Variants in SNX33 observed in about 807,000 individuals in gnomAD.
SNX33 encodes sorting nexin 33.
Under a neutral mutation model 38.8 loss-of-function variants are expected in SNX33, and 19 were observed. The ratio of observed to expected loss-of-function variants is 0.49; its 90% CI spans 0.34 to 0.72. SNX33 has a LOEUF of 0.72. Among genes scored for constraint, SNX33 ranks in the 30% least tolerant of loss-of-function variants. SNX33 has a pLI of 0.01. For synonymous variants in SNX33, 246 were observed against 289.7 expected (o/e 0.85, Z 1.53); for missense variants, 641 against 776.4 (o/e 0.83, Z 2.07).
chr15:75,656,492 C>T (rs1469726982), intron 1 of SNX33, among the ~76,000 whole-genome samples: 2 of 152,166 alleles, frequency 1.3e-5, no homozygotes, highest in African/African-American at 4.8e-5. Context: ...TGGGATACCT[C>T]TTTAGATGCT....
At chr15:75,654,341 G>A (rs1444658996) in intron 1 of SNX33, among the ~76,000 whole-genome samples, 1 of 152,120 alleles carries the variant, frequency 6.6e-6, no homozygotes, top group African/African-American at 2.4e-5. Flanking sequence ...TGTCCCACTG[G>A]GCAGTGGGGA....
intron 1 of SNX33, among the ~76,000 whole-genome samples, chr15:75,655,875 C>T (rs912407271): frequency 5.9e-5 from 9 of 152,188 alleles, no homozygotes; most frequent in Non-Finnish European, 7.3e-5. Flanking sequence ...CTGCAGCCCT[C>T]GGCGACTGAG....
chr15:75,651,631 C>T (rs1431723803), intron 1 of SNX33, among the ~76,000 whole-genome samples: 1 of 152,384 alleles, frequency 6.6e-6, no homozygotes, highest in East Asian at 1.9e-4. Flanking sequence ...CTCTTCTTGC[C>T]TGAGGAGAGA....
rs1469769336 is a variant in SNX33, at chr15:75,657,513, G to A, written c.*298G>A. On this transcript the variant is annotated 3_prime_UTR_variant, in exon 2 of 2. Transcript: ENST00000308527. The surrounding 1 kb of genome is among the most constrained non-coding windows in gnomAD (Gnocchi z 5.5). ...CAGGCCAGGGTCTCAGCCTCCCCTAGAGCCTATTTTGCTTGCTCACCTGGC... is the reference window on the plus strand; with the variant it reads ...CAGGCCAGGGTCTCAGCCTCCCCTAAAGCCTATTTTGCTTGCTCACCTGGC... 4.1e-6 allele frequency: 2 copies of A among 485,520 alleles called. No individual in the cohort carries two copies. Among genetic ancestry groups the A allele is most frequent in the Non-Finnish European group, 7.5e-6 (2 of 266,550 alleles). The allele number at this position is 485,520 out of a possible 1,614,324, so 30.1% of individuals were successfully genotyped here. A position where few individuals can be genotyped will look rare whatever the true frequency, so the allele number is the denominator to read the frequency against.
At chr15:75,656,654 A>AGAGGTT (rs973976656) in intron 1 of SNX33, among the ~76,000 whole-genome samples, 2 of 152,168 alleles carry the variant, frequency 1.3e-5, no homozygotes, top group Non-Finnish European at 2.9e-5. Flanking sequence ...AGAGACACAG[A>AGAGGTT]GAGGTTGAGG....
intron 1 of SNX33, among the ~76,000 whole-genome samples, chr15:75,651,838 C>T (rs556087968): frequency 6.6e-6 from 1 of 152,332 alleles, no homozygotes; most frequent in East Asian, 1.9e-4. Flanking sequence ...GGGGGCAGAC[C>T]TCTGCACTGA....
At chr15:75,651,437 C>G (rs1022083628) in intron 1 of SNX33, among the ~76,000 whole-genome samples, 6 of 152,188 alleles carry the variant, frequency 3.9e-5, no homozygotes, top group Non-Finnish European at 7.3e-5. Flanking sequence ...TCTCATGACC[C>G]CCTCTGTGGG....
intron 1 of SNX33, among the ~76,000 whole-genome samples, chr15:75,656,207 C>G (rs1022435254): frequency 6.6e-6 from 1 of 152,052 alleles, no homozygotes; most frequent in African/African-American, 2.4e-5. Context: ...GGGTGGGGAG[C>G]CAGGGCACAG....
Position 75,657,381 on chromosome 15 carries a change from G to A in SNX33, c.*166G>A. ...AAGGAGCTTTCAAGGAGTCATGGGT[G>A]CCCCTGGGAAATTCCCCACTCCTTA... On this transcript the variant is annotated 3_prime_UTR_variant, in exon 2 of 2. Coordinates refer to ENST00000308527, the MANE Select transcript of SNX33 (RefSeq NM_153271.2). This position sits in a 1 kb window ranked among gnomAD's most constrained non-coding sequence, Gnocchi z 5.5. 5.9e-6 allele frequency: 7 copies of A among 1,178,526 alleles called. No homozygotes were observed. The highest frequency in any genetic ancestry group is 8.3e-6 in the Non-Finnish European group (7 of 845,752). 73.0% of individuals were successfully genotyped at this position (1,178,526 alleles called of 1,614,324 possible).
At chr15:75,655,151 C>T (rs1051916185) in intron 1 of SNX33, among the ~76,000 whole-genome samples, 1 of 152,244 alleles carries the variant, frequency 6.6e-6, no homozygotes, top group African/African-American at 2.4e-5. Flanking sequence ...CTGGCATGGG[C>T]TCCCTGCAGC....
In SNX33 at chr15:75,649,522, C is replaced by T. The variant is rs28363828; in HGVS notation, c.420C>T (p.His140=). The change falls in exon 1 of 2, where the codon CAC becomes CAT. Residue 140 remains histidine, a synonymous_variant. Coordinates refer to ENST00000308527, the MANE Select transcript of SNX33 (RefSeq NM_153271.2). This position sits in a 1 kb window ranked among gnomAD's most constrained non-coding sequence, Gnocchi z 6.6. The stretch of plus-strand genomic sequence containing the variant: ...CTGGTGGGCTGGGCACCAACGGGCA[C>T]CCTCCCCTCAACCTCTCCTACCCTG... ...PRAGGLGTNG[H]PPLNLSYPGA... is the part of the protein sequence containing the mutation. 8.1e-3 allele frequency: 12,814 copies of T among 1,587,790 alleles called. 785 individuals are homozygous for T. In the African/African-American group the frequency reaches 0.14, roughly 17 times the overall value.
intron 1 of SNX33, 45 bp from the exon 2 acceptor site, chr15:75,656,917 G>A: frequency 2.5e-6 from 4 of 1,590,306 alleles, no homozygotes; most frequent in Non-Finnish European, 3.4e-6. Flanking sequence ...GGAGCACATG[G>A]AGATCAGAGC....
intron 1 of SNX33, among the ~76,000 whole-genome samples, chr15:75,652,355 G>A (rs961839180): frequency 6.6e-6 from 1 of 152,226 alleles, no homozygotes; most frequent in African/African-American, 2.4e-5. Context: ...CTGAGCACAA[G>A]TGGGAAGGCT....
chr15:75,661,314 T>G lies in SNX33; in HGVS notation c.*4099T>G. 8.3e-6 allele frequency: 1 copy of G among 119,784 alleles called. No individual in the cohort carries two copies. The highest frequency in any genetic ancestry group is 1.7e-5 in the Non-Finnish European group (1 of 60,148). The allele number at this position is 119,784 out of a possible 1,614,324, so 7.4% of individuals were successfully genotyped here. ...CAGCCCGCCCTGCCCGCCTGCCCGC[T>G]GACTCAGGCCTCCAGGAGCCAAGCC... On this transcript the variant is annotated 3_prime_UTR_variant, in exon 2 of 2. Transcript: ENST00000308527. The surrounding 1 kb of genome is among the most constrained non-coding windows in gnomAD (Gnocchi z 4.5).
rs977382882 is a variant in SNX33, at chr15:75,662,031, T to A, written c.*4816T>A. 3.3e-5 allele frequency: 5 copies of A among 152,192 alleles called. No individual in the cohort carries two copies. The highest frequency in any genetic ancestry group is 7.2e-5 in the African/African-American group (3 of 41,446). 9.4% of individuals were successfully genotyped at this position (152,192 alleles called of 1,614,324 possible). A position where few individuals can be genotyped will look rare whatever the true frequency, so the allele number is the denominator to read the frequency against. On this transcript the variant is annotated 3_prime_UTR_variant, in exon 2 of 2. Coordinates refer to ENST00000308527, the MANE Select transcript of SNX33 (RefSeq NM_153271.2). Reference sequence around the variant, plus strand: ...TGAGGAACATAACTTAATTTTTTTTTATATCTGACCTGAATTTCTGTTTTC... The same window carrying A: ...TGAGGAACATAACTTAATTTTTTTTAATATCTGACCTGAATTTCTGTTTTC...
Position 75,657,024 on chromosome 15 carries a change from G to A in SNX33, c.1534G>A (p.Glu512Lys), listed in dbSNP as rs768048157. ...TGACGAGGGCCGCATGGTGCAGGAC[G>A]AGGCAGACGGCATTCGCAGGCGCTG... ...MSDEGRMVQD[E>K]ADGIRRRCRV... Residue 512 changes from glutamate to lysine, a missense_variant, in exon 2 of 2, where the codon GAG becomes AAG. By Grantham distance (56) the Glu-to-Lys change is moderately conservative (BLOSUM62 1). This residue lies in a region of SNX33 where 398 missense variants were observed against 542.5 expected (regional missense o/e 0.73). Coordinates refer to ENST00000308527, the MANE Select transcript of SNX33 (RefSeq NM_153271.2). This position sits in a 1 kb window ranked among gnomAD's most constrained non-coding sequence, Gnocchi z 5.5. 3.1e-6 allele frequency: 5 copies of A among 1,614,138 alleles called. No individual in the cohort carries two copies. Among genetic ancestry groups the A allele is most frequent in the Admixed American group, 1.7e-5 (1 of 60,016 alleles).
At chr15:75,652,236 A>G (rs1444807960) in intron 1 of SNX33, among the ~76,000 whole-genome samples, 2 of 152,142 alleles carry the variant, frequency 1.3e-5, no homozygotes, top group African/African-American at 2.4e-5. Context: ...TGGGGAGGGT[A>G]TGGCTCAGAA....
chr15:75,656,486 A>C (rs1240947034), intron 1 of SNX33, among the ~76,000 whole-genome samples: 1 of 152,134 alleles, frequency 6.6e-6, no homozygotes, highest in African/African-American at 2.4e-5. Context: ...CCAGCTTGGG[A>C]TACCTCTTTA....
Position 75,650,071 on chromosome 15 carries a change from C to G in SNX33, c.969C>G (p.Leu323=). 6.2e-7 allele frequency: 1 copy of G among 1,614,068 alleles called. No homozygotes were observed. The highest frequency in any genetic ancestry group is 1.3e-5 in the African/African-American group (1 of 75,056). ...WMDHMTSHPV[L]SQYEGFQHFL... ...ACCACATGACCAGCCACCCTGTGCTCTCCCAGTACGAAGGCTTCCAGCATT... is the reference window on the plus strand; with the variant it reads ...ACCACATGACCAGCCACCCTGTGCTGTCCCAGTACGAAGGCTTCCAGCATT... Residue 323 remains leucine (L), a synonymous_variant, in exon 1 of 2, where the codon CTC becomes CTG. Coordinates refer to ENST00000308527, the MANE Select transcript of SNX33 (RefSeq NM_153271.2). This position sits in a 1 kb window ranked among gnomAD's most constrained non-coding sequence, Gnocchi z 6.1.
Sources: allele counts gnomAD v4.1 joint callset (sites outside exome capture counted in the v4.1 genomes callset), GRCh38; gene constraint gnomAD v4.1.1; regional missense constraint gnomAD v4.1.1; non-coding constraint Gnocchi (gnomAD v3.1); transcripts MANE v1.5; gene names NCBI Gene and HGNC (gene_info 2026-07-23, HGNC 2026-07-21).